Variants in PLA2G4E observed in about 807,000 individuals in gnomAD.
PLA2G4E encodes cytosolic phospholipase A2 epsilon.
In PLA2G4E, 84 loss-of-function variants were observed where a neutral mutation model predicts 109.1. The observed-to-expected ratio is 0.77, with a 90% confidence interval of 0.65 to 0.92. The LOEUF is 0.92. Ranked by LOEUF, PLA2G4E falls within the 40% of genes least tolerant of loss-of-function variation. The pLI is 0.00. For missense variants in PLA2G4E, 1,057 were observed against 1,076.6 expected (o/e 0.98, Z 0.25); for synonymous variants, 469 against 436.1 (o/e 1.08, Z -0.94).
At chr15:42,018,112 C>G (rs1458812823) in intron 1 of PLA2G4E, among the ~76,000 whole-genome samples, 1 of 152,194 alleles carries the variant, frequency 6.6e-6, no homozygotes, top group African/African-American at 2.4e-5. Context: ...GGAACCAGGT[C>G]TATGAGAAAT....
At position 42,000,002 on chromosome 15, in the gene PLA2G4E, TG is replaced by T; in HGVS notation, c.853-3del. ...CTTCTTGCGAGAGCGGCAGCAAAGCTGGAGGGATGGGTGGGTTCTGTGAGAG... is the reference window on the plus strand; with the variant it reads ...CTTCTTGCGAGAGCGGCAGCAAAGCTGAGGGATGGGTGGGTTCTGTGAGAG... On this transcript the variant is annotated splice_polypyrimidine_tract_variant and splice_region_variant and intron_variant, in intron 8 of 19. Transcript: ENST00000399518. The T allele has an allele frequency of 6.2e-7, 1 of 1,605,374 alleles. No homozygotes were observed.
At chr15:42,007,400 T>C (rs957580128) in intron 3 of PLA2G4E, among the ~76,000 whole-genome samples, 1 of 152,214 alleles carries the variant, frequency 6.6e-6, no homozygotes, top group Admixed American at 6.5e-5. Context: ...GTGAATAGAA[T>C]GGTTCTTTCA....
intron 11 of PLA2G4E, among the ~76,000 whole-genome samples, chr15:41,996,883 T>G (rs1251697294): frequency 6.6e-6 from 1 of 152,208 alleles, no homozygotes; most frequent in Non-Finnish European, 1.5e-5. Context: ...GCAGGAACTC[T>G]TAGTGCTTGG....
At chr15:42,026,834 G>A (rs190246757) in intron 1 of PLA2G4E, among the ~76,000 whole-genome samples, 8 of 152,086 alleles carry the variant, frequency 5.3e-5, no homozygotes, top group East Asian at 3.9e-4. Flanking sequence ...TTAGCTGGGC[G>A]TGGTGGTGGG....
At chr15:42,039,537 G>GTA (rs10635761) in intron 1 of PLA2G4E, among the ~76,000 whole-genome samples, 25,203 of 151,026 alleles carry the variant, frequency 0.17, 2,333 homozygotes, top group Admixed American at 0.26. Flanking sequence ...GTATGTGTAC[G>GTA]TATATATATA....
intron 1 of PLA2G4E, among the ~76,000 whole-genome samples, chr15:42,039,260 G>C (rs1025125482): frequency 1.1e-4 from 16 of 152,078 alleles, no homozygotes; most frequent in Non-Finnish European, 1.9e-4. Context: ...AATGCTATCT[G>C]CTCAAAAATT....
Position 41,990,115 on chromosome 15 carries a change from T to G in PLA2G4E, c.1585+6A>C. 3 of 1,608,674 alleles carry G rather than the reference T, an allele frequency of 1.9e-6. No homozygotes were observed. Among genetic ancestry groups the G allele is most frequent in the Non-Finnish European group, 2.5e-6 (3 of 1,176,622 alleles). ...CCACTTGTAAATCACCAGCCACTGGTGTTACCTCTGAAGTCCTGGTTGCTT... is the reference window on the plus strand; with the variant it reads ...CCACTTGTAAATCACCAGCCACTGGGGTTACCTCTGAAGTCCTGGTTGCTT... On this transcript the variant is annotated splice_donor_region_variant and intron_variant, in intron 14 of 19. Transcript: ENST00000399518.
intron 2 of PLA2G4E, chr15:42,010,356 T>C: frequency 3.1e-6 from 1 of 323,062 alleles, no homozygotes; most frequent in Non-Finnish European, 6.2e-6. Context: ...TCAGTATTTT[T>C]GGCCTAAGGC....
chr15:42,032,643 CA>C (rs1472036327), intron 1 of PLA2G4E, among the ~76,000 whole-genome samples: 3 of 152,228 alleles, frequency 2.0e-5, no homozygotes, highest in Non-Finnish European at 2.9e-5. Context: ...GTGGACCATC[CA>C]ACCAAGTGGC....
chr15:42,021,831 C>T (rs1468170964), intron 1 of PLA2G4E, among the ~76,000 whole-genome samples: 6 of 152,228 alleles, frequency 3.9e-5, no homozygotes, highest in Admixed American at 6.5e-5. Context: ...GCCCCACAAC[C>T]GGCTTTTCTG....
intron 1 of PLA2G4E, among the ~76,000 whole-genome samples, chr15:42,044,443 G>C (rs1187650312): frequency 6.6e-6 from 1 of 152,092 alleles, no homozygotes; most frequent in East Asian, 1.9e-4. Flanking sequence ...TGAGGAAGGA[G>C]TGATGAGGTC....
At chr15:42,004,905 C>T in intron 5 of PLA2G4E, 33 bp downstream of exon 5, 1 of 1,599,376 alleles carries the variant, frequency 6.3e-7, no homozygotes, top group South Asian at 1.1e-5. Context: ...ATGGCCAGGA[C>T]CTTGGTGGGC....
At chr15:42,026,511 G>GA (rs1189158166) in intron 1 of PLA2G4E, among the ~76,000 whole-genome samples, 1 of 152,172 alleles carries the variant, frequency 6.6e-6, no homozygotes, top group African/African-American at 2.4e-5. Flanking sequence ...TACTAAATTG[G>GA]AAAAAATTGA....
At chr15:41,983,829 A>T (rs747748804) in exon 20 of PLA2G4E, 4 of 1,611,644 alleles carry the variant, frequency 2.5e-6, no homozygotes, top group Non-Finnish European at 3.4e-6. Flanking sequence ...GAGTGTCCTT[A>T]TTATTCAGGA....
chr15:41,995,272 T>C (rs1403405114), intron 12 of PLA2G4E, 88 bp downstream of exon 12: 1 of 1,499,768 alleles, frequency 6.7e-7, no homozygotes. Flanking sequence ...TGTCTTTGGG[T>C]GGCGGGGAGG....
At chr15:42,028,000 T>G (rs1395377082) in intron 1 of PLA2G4E, among the ~76,000 whole-genome samples, 2 of 152,072 alleles carry the variant, frequency 1.3e-5, no homozygotes, top group African/African-American at 2.4e-5. Context: ...TTTCAGGACA[T>G]GGACATTGCC....
At chr15:42,019,881 C>T (rs2068631757) in intron 1 of PLA2G4E, among the ~76,000 whole-genome samples, 1 of 152,250 alleles carries the variant, frequency 6.6e-6, no homozygotes, top group Non-Finnish European at 1.5e-5. Context: ...CTCCTGAAGC[C>T]ACATTTGGGG....
At chr15:42,012,916 C>G (rs549000696) in intron 2 of PLA2G4E, among the ~76,000 whole-genome samples, 2 of 152,308 alleles carry the variant, frequency 1.3e-5, no homozygotes, top group South Asian at 4.1e-4. Context: ...CCTTGGGGGC[C>G]AACTTCCCCT....
chr15:42,005,379 G>A (rs935455864), intron 4 of PLA2G4E, among the ~76,000 whole-genome samples: 6 of 152,208 alleles, frequency 3.9e-5, no homozygotes, highest in African/African-American at 1.4e-4. Flanking sequence ...CACACCTCTT[G>A]CTGTGTACTG....
Sources: gnomAD v4.1 joint callset for allele counts (sites outside exome capture counted in the v4.1 genomes callset) on GRCh38, gnomAD v4.1.1 for gene constraint, MANE v1.5 for transcripts, NCBI Gene and HGNC (gene_info 2026-07-23, HGNC 2026-07-21) for gene names.